The following WDR64 variants were observed in gnomAD, a reference collection of about 807,000 sequenced individuals.
WDR64 encodes the protein WD repeat domain 64.
WDR64 carries 112 observed loss-of-function variants against 139.3 expected under a neutral mutation model. The observed-to-expected ratio is 0.80, with a 90% CI of 0.69 to 0.94. The LOEUF is 0.94. Ranked by LOEUF, WDR64 falls within the 40% of genes least tolerant of loss-of-function variation. The probability of loss-of-function intolerance (pLI) is 0.00; values close to 1 mark genes in which losing one functional copy is unlikely to be tolerated. For missense variants in WDR64, 1,206 were observed against 1,293.1 expected, an observed-to-expected ratio of 0.93 and a Z score of 1.03; for synonymous variants, 444 against 437.7, an observed-to-expected ratio of 1.01 and a Z score of -0.18.
Position 241,772,884 on chromosome 1 carries a change from C to T in WDR64, c.2383C>T (p.Leu795Phe), listed in dbSNP as rs1658516350. ...TTTACCAGAAGCCCAGCCACCTATC[C>T]TTGTCACTGCTCATGAGGATGGACA... is the stretch of plus-strand genomic sequence containing the variant. The part of the protein sequence containing the change: ...ANLPEAQPPI[L>F]VTAHEDGHLR... Residue 795 changes from leucine (L) to phenylalanine (F), a missense_variant, in exon 20 of 28, where the codon CTT (leucine) becomes TTT (phenylalanine). Leu to Phe is a conservative substitution (Grantham distance 22). Transcript: ENST00000437684. 6.4e-7 allele frequency: 1 copy of T among 1,551,956 alleles called. No homozygotes were observed. The highest frequency in any genetic ancestry group is 1.2e-5 in the South Asian group (1 of 84,060).
chr1:241,660,645 T>C lies in WDR64; in HGVS notation c.261T>C (p.Ser87=), dbSNP rs776916491. The C allele has an allele frequency of 1.9e-6, 3 of 1,551,532 alleles. No homozygotes were observed. The highest frequency in any genetic ancestry group is 2.6e-6 in the Non-Finnish European group (3 of 1,146,782). Residue 87 remains serine (S), a synonymous_variant, in exon 2 of 28, where the codon TCT becomes TCC. Coordinates refer to ENST00000437684, the MANE Select transcript of WDR64 (RefSeq NM_001367482.1). ...AACTGTGCAACAACACGGATGCATC[T>C]GCAGACTGGTGTGAGGTAGACTCAT... ...YRKLCNNTDA[S]ADWCEIFGYF...
At chr1:241,652,991 G>T (rs1421334880) in intron 1 of WDR64, among the ~76,000 whole-genome samples, 1 of 152,140 alleles carries the variant, frequency 6.6e-6, no homozygotes, top group Non-Finnish European at 1.5e-5. Flanking sequence ...CTTTTTCTTA[G>T]CCTAAAGATA....
At chr1:241,712,586 C>T (rs927004621) in intron 9 of WDR64, among the ~76,000 whole-genome samples, 3 of 152,130 alleles carry the variant, frequency 2.0e-5, no homozygotes, top group Non-Finnish European at 4.4e-5. Flanking sequence ...CTGGCTCTCT[C>T]ACTTGCGAGC....
chr1:241,672,455 C>T (rs760953995), intron 3 of WDR64, among the ~76,000 whole-genome samples: 18 of 152,146 alleles, frequency 1.2e-4, no homozygotes, highest in Non-Finnish European at 2.4e-4. Flanking sequence ...ATGGCAGTTG[C>T]ATTCTGTAAT....
intron 9 of WDR64, among the ~76,000 whole-genome samples, chr1:241,715,466 G>A (rs1668367258): frequency 6.6e-6 from 1 of 152,186 alleles, no homozygotes; most frequent in Admixed American, 6.5e-5. Flanking sequence ...GGATGCAAGA[G>A]ATGAGGGAGG....
At position 241,674,861 on chromosome 1, in the gene WDR64, C is replaced by T. The variant is rs553624179; in HGVS notation, c.483+114C>T. The T allele has an allele frequency of 5.6e-3, 790 of 141,110 alleles. 52 individuals carry two copies. The African/African-American group carries it at 0.058, about 10-fold the overall frequency. The allele number at this position is 141,110 out of a possible 1,614,324, so 8.7% of individuals were successfully genotyped here. ...TCCCTTCCTTCCTTCTTTCCTTCCT[C>T]CCTCCCTCCTTTCTTTCTTTCCTTC... On this transcript the variant is annotated intron_variant, in intron 4 of 27. Coordinates refer to ENST00000437684, the MANE Select transcript of WDR64 (RefSeq NM_001367482.1).
intron 6 of WDR64, among the ~76,000 whole-genome samples, chr1:241,682,857 T>C (rs1666862614): frequency 6.6e-6 from 1 of 152,212 alleles, no homozygotes; most frequent in South Asian, 2.1e-4. Context: ...CTCTACAAAG[T>C]CAGAAACTGT....
intron 3 of WDR64, among the ~76,000 whole-genome samples, chr1:241,671,636 A>G (rs1666232081): frequency 6.6e-6 from 1 of 152,190 alleles, no homozygotes; most frequent in South Asian, 2.1e-4. Flanking sequence ...TGGGCCAGTC[A>G]TGGATGGGCA....
intron 8 of WDR64, among the ~76,000 whole-genome samples, chr1:241,711,422 A>G (rs1167698144): frequency 6.6e-6 from 1 of 152,084 alleles, no homozygotes; most frequent in Non-Finnish European, 1.5e-5. Flanking sequence ...CTGGTGAGCA[A>G]AGGAGAAGTG....
At chr1:241,714,023 T>G (rs151001894) in intron 9 of WDR64, among the ~76,000 whole-genome samples, 25 of 152,236 alleles carry the variant, frequency 1.6e-4, no homozygotes, top group Non-Finnish European at 2.9e-4. Flanking sequence ...AAATGTCAAG[T>G]GTTGATTGGA....
At chr1:241,744,607 G>A in intron 13 of WDR64, 91 bp downstream of exon 13, 1 of 1,537,170 alleles carries the variant, frequency 6.5e-7, no homozygotes, top group African/African-American at 1.4e-5. Context: ...TAGAAGGAGA[G>A]CATGAAGCAG....
chr1:241,695,140 A>G (rs1344868865), intron 8 of WDR64, among the ~76,000 whole-genome samples: 1 of 152,254 alleles, frequency 6.6e-6, no homozygotes, highest in Middle Eastern at 3.2e-3. Context: ...AATCACTGAC[A>G]TCATTCAAAA....
intron 24 of WDR64, among the ~76,000 whole-genome samples, chr1:241,790,011 A>T (rs867829807): frequency 6.6e-6 from 1 of 152,152 alleles, no homozygotes; most frequent in Non-Finnish European, 1.5e-5. Context: ...CTAGTTCCTA[A>T]TATAGAGTTT....
At chr1:241,660,154 A>T (rs1665767413) in intron 1 of WDR64, among the ~76,000 whole-genome samples, 1 of 152,182 alleles carries the variant, frequency 6.6e-6, no homozygotes, top group Admixed American at 6.5e-5. Context: ...TCCCAGCACC[A>T]TTTGTTAAAT....
intron 16 of WDR64, among the ~76,000 whole-genome samples, chr1:241,768,691 G>C (rs989133226): frequency 6.6e-6 from 1 of 152,126 alleles, no homozygotes; most frequent in Non-Finnish European, 1.5e-5. Context: ...TTTGCTGTAA[G>C]GTCTATTTGC....
chr1:241,653,443 C>G (rs1342379605), intron 1 of WDR64, among the ~76,000 whole-genome samples: 1 of 151,940 alleles, frequency 6.6e-6, no homozygotes, highest in African/African-American at 2.4e-5. Context: ...AATTTATAGT[C>G]ATGTTAATCA....
intron 13 of WDR64, among the ~76,000 whole-genome samples, chr1:241,745,132 G>A (rs983981961): frequency 6.6e-6 from 1 of 152,074 alleles, no homozygotes; most frequent in East Asian, 1.9e-4. Flanking sequence ...CCCCACTCAC[G>A]ACATACTAAA....
At chr1:241,707,229 T>C (rs1667986863) in intron 8 of WDR64, among the ~76,000 whole-genome samples, 1 of 152,166 alleles carries the variant, frequency 6.6e-6, no homozygotes, top group South Asian at 2.1e-4. Context: ...GGCGTACAGC[T>C]GGCACTCATA....
intron 27 of WDR64, among the ~76,000 whole-genome samples, chr1:241,799,226 C>A (rs141653113): frequency 0.084 from 5,087 of 60,210 alleles, 176 homozygotes; most frequent in African/African-American, 0.14. Context: ...AAAAAAAATA[C>A]AAAAATTAGC....
Sources: gnomAD v4.1 joint callset for allele counts (sites outside exome capture counted in the v4.1 genomes callset) on GRCh38, gnomAD v4.1.1 for gene constraint, MANE v1.5 for transcripts, NCBI Gene and HGNC (gene_info 2026-07-23, HGNC 2026-07-21) for gene names.